Variants in IFT80 observed in about 807,000 individuals in gnomAD.
IFT80 encodes intraflagellar transport protein 80 homolog.
Under a neutral mutation model 107.9 loss-of-function variants are expected in IFT80, and 79 were observed. The ratio of observed to expected loss-of-function variants is 0.73; its 90% CI spans 0.61 to 0.88. The LOEUF is 0.88. Among genes scored for constraint, IFT80 ranks in the 40% least tolerant of loss-of-function variants. The pLI, the probability that IFT80 is intolerant of heterozygous loss-of-function variation, is 0.00. For synonymous variants in IFT80, 299 were observed against 300.9 expected, an observed-to-expected ratio of 0.99 and a Z score of 0.07; for missense variants, 797 against 914.2, an observed-to-expected ratio of 0.87 and a Z score of 1.65.
intron 9 of IFT80, among the ~76,000 whole-genome samples, chr3:160,309,167 C>T (rs1717040103): frequency 6.6e-6 from 1 of 152,164 alleles, no homozygotes; most frequent in Non-Finnish European, 1.5e-5. Flanking sequence ...ATTGACCCAG[C>T]AATCTCATTT....
intron 8 of IFT80, among the ~76,000 whole-genome samples, chr3:160,338,073 A>G (rs1166736474): frequency 6.6e-6 from 1 of 152,158 alleles, no homozygotes; most frequent in Non-Finnish European, 1.5e-5. Context: ...TTGAGACTTC[A>G]GGTTCTAAAA....
intron 12 of IFT80, among the ~76,000 whole-genome samples, chr3:160,286,840 G>T (rs1346702853): frequency 6.6e-6 from 1 of 151,884 alleles, no homozygotes; most frequent in Non-Finnish European, 1.5e-5. Flanking sequence ...AATTTATCTG[G>T]TCTTTGTCCT....
Position 160,277,571 on chromosome 3 carries a change from A to C in IFT80, c.1926+10T>G, listed in dbSNP as rs544123863. 1.1e-5 allele frequency: 17 copies of C among 1,603,116 alleles called. No homozygotes were observed. Among genetic ancestry groups the C allele is most frequent in the Non-Finnish European group, 1.5e-5 (17 of 1,170,330 alleles). On this transcript the variant is annotated intron_variant, in intron 17 of 19. Transcript: ENST00000326448. ...ACACATGTACATATATGTAAACATT[A>C]ATTACTTACTTCACCAATTGCTGCA... is the stretch of plus-strand genomic sequence containing the variant.
chr3:160,359,018 A>G (rs902495400), intron 6 of IFT80, among the ~76,000 whole-genome samples: 8 of 152,206 alleles, frequency 5.3e-5, no homozygotes, highest in Admixed American at 4.6e-4. Flanking sequence ...AAGGCCTTAA[A>G]AGACATGAGG....
chr3:160,370,553 A>G (rs1198406583), intron 5 of IFT80, among the ~76,000 whole-genome samples: 1 of 148,914 alleles, frequency 6.7e-6, no homozygotes, highest in Non-Finnish European at 1.5e-5. Flanking sequence ...AAAAGTTTAA[A>G]TAAAGGCATT....
rs1559955203 is a variant in IFT80 at position 160,351,531 on chromosome 3, A to AAT, written c.777+4480_777+4481dup. Among the ~76,000 whole-genome samples the AAT allele has an allele frequency of 2.7e-5, 4 of 147,100 alleles. No individual in the cohort carries two copies. In the Middle Eastern group the frequency reaches 0.013, roughly 467 times the overall value. On this transcript the variant is annotated intron_variant, in intron 8 of 19. Coordinates refer to ENST00000326448, the MANE Select transcript of IFT80 (RefSeq NM_020800.3). ...AATATCCTCCAGAAAGATTTGAACA[A>AAT]ATATATATATACACATATATTATAT...
rs189481988 is a variant in IFT80, at chr3:160,282,271, C to A, written c.1516+207G>T. On this transcript the variant is annotated intron_variant, in intron 14 of 19. Coordinates refer to ENST00000326448, the MANE Select transcript of IFT80 (RefSeq NM_020800.3). ...CTCCAGCATGGGTGACAGAGTGAGA[C>A]CCTGTCTCAATAAAACACAATAAAA... Among the ~76,000 whole-genome samples the A allele has an allele frequency of 7.2e-5, 11 of 152,164 alleles. No individual in the cohort carries two copies. The East Asian group carries it at 1.5e-3, about 21-fold the overall frequency.
At chr3:160,381,185 TATG>T (rs1011432173) in intron 3 of IFT80, among the ~76,000 whole-genome samples, 1 of 146,372 alleles carries the variant, frequency 6.8e-6, no homozygotes, top group Non-Finnish European at 1.5e-5. Context: ...TACAGTGAGC[TATG>T]ATCACACCAC....
intron 8 of IFT80, among the ~76,000 whole-genome samples, chr3:160,339,074 T>C (rs1031958263): frequency 1.3e-5 from 2 of 152,182 alleles, no homozygotes; most frequent in African/African-American, 4.8e-5. Flanking sequence ...CAGGATGCTA[T>C]GTTTCTGGAA....
At chr3:160,337,848 G>A (rs1719612601) in intron 8 of IFT80, among the ~76,000 whole-genome samples, 1 of 152,004 alleles carries the variant, frequency 6.6e-6, no homozygotes, top group East Asian at 1.9e-4. Context: ...CATATATCAA[G>A]TGTTAGCCAT....
At chr3:160,329,855 A>G (rs1398020228) in intron 8 of IFT80, among the ~76,000 whole-genome samples, 1 of 151,976 alleles carries the variant, frequency 6.6e-6, no homozygotes, top group African/African-American at 2.4e-5. Context: ...GTCTTTCGTT[A>G]TAGGGTCCTC....
Position 160,280,802 on chromosome 3 carries a change from T to C in IFT80, c.1529A>G (p.His510Arg). Residue 510 changes from histidine to arginine, a missense_variant, in exon 15 of 20, where the codon CAT becomes CGT. Coordinates refer to ENST00000326448, the MANE Select transcript of IFT80 (RefSeq NM_020800.3). ...GCATGTATCGTTCCATGCCAAAGTA[T>C]GCACCATTGTTCCTTAATTTAAAAA... is the stretch of plus-strand genomic sequence containing the variant. The part of the protein sequence containing the change: ...EQIIKLGTMV[H>R]TLAWNDTCNI... 6.2e-7 allele frequency: 1 copy of C among 1,612,990 alleles called. No homozygotes were observed. Among genetic ancestry groups the C allele is most frequent in the Middle Eastern group, 1.7e-4 (1 of 6,052 alleles).
At chr3:160,263,896 C>T (rs898683471) in intron 19 of IFT80, among the ~76,000 whole-genome samples, 1 of 152,138 alleles carries the variant, frequency 6.6e-6, no homozygotes, top group Non-Finnish European at 1.5e-5. Context: ...TGGTCTCGAT[C>T]TCCTGAACTT....
chr3:160,366,247 T>A, intron 5 of IFT80, 95 bp from the exon 6 acceptor site: 2 of 857,134 alleles, frequency 2.3e-6, no homozygotes, highest in Admixed American at 1.9e-5. Flanking sequence ...AAAAGCCATA[T>A]GAGGTGTCAT....
intron 2 of IFT80, among the ~76,000 whole-genome samples, chr3:160,382,022 A>G (rs1712557103): frequency 6.6e-6 from 1 of 152,216 alleles, no homozygotes; most frequent in Non-Finnish European, 1.5e-5. Flanking sequence ...CACAAAGCCA[A>G]AAGGTATACA....
chr3:160,323,152 G>C (rs575413613), intron 8 of IFT80, among the ~76,000 whole-genome samples: 88 of 149,076 alleles, frequency 5.9e-4, no homozygotes, highest in African/African-American at 1.9e-3. Context: ...TTTTCTTCTA[G>C]GGTTTTTATG....
chr3:160,301,882 A>C (rs1716453849), intron 11 of IFT80, among the ~76,000 whole-genome samples: 2 of 151,980 alleles, frequency 1.3e-5, no homozygotes, highest in Admixed American at 6.6e-5. Flanking sequence ...TAACTCACTC[A>C]TTCCTGATAA....
intron 8 of IFT80, among the ~76,000 whole-genome samples, chr3:160,349,747 T>C (rs923154850): frequency 1.3e-5 from 2 of 152,244 alleles, no homozygotes; most frequent in South Asian, 2.1e-4. Flanking sequence ...AAGTTTTTTT[T>C]CGAAAGAGAA....
chr3:160,382,287 G>C (rs1432801666), intron 2 of IFT80, among the ~76,000 whole-genome samples: 2 of 152,024 alleles, frequency 1.3e-5, no homozygotes, highest in Admixed American at 6.5e-5. Flanking sequence ...TGGTTTAACA[G>C]CTGAAACTAA....
Sources: gnomAD v4.1 joint callset for allele counts (sites outside exome capture counted in the v4.1 genomes callset) on GRCh38, gnomAD v4.1.1 for gene constraint, MANE v1.5 for transcripts, NCBI Gene and HGNC (gene_info 2026-07-23, HGNC 2026-07-21) for gene names.